The following SPAG16 variants were observed in gnomAD, a reference collection of about 807,000 sequenced individuals.
The protein encoded by SPAG16 is sperm associated antigen 16, also known as sperm-associated antigen 16 protein.
SPAG16 carries 86 observed loss-of-function variants against 80.4 expected under a neutral mutation model. The ratio of observed to expected loss-of-function variants is 1.07; its 90% CI spans 0.90 to 1.28. The LOEUF (loss-of-function observed/expected upper bound fraction) is 1.28, where lower values mean the gene tolerates loss of function less well. Among genes scored for constraint, SPAG16 ranks in the 50% most tolerant of loss-of-function variants. SPAG16 has a pLI of 0.00. For missense variants in SPAG16, 870 were observed against 765.3 expected (o/e 1.14, Z -1.61); for synonymous variants, 294 against 265.9 (o/e 1.11, Z -1.03).
chr2:213,677,878 C>T (rs1270670235), intron 10 of SPAG16, among the ~76,000 whole-genome samples: 1 of 152,090 alleles, frequency 6.6e-6, no homozygotes, highest in African/African-American at 2.4e-5. Context: ...GTAAAGCTCT[C>T]CTCAGCAAAT....
At chr2:213,874,999 G>C (rs2076089903) in intron 11 of SPAG16, among the ~76,000 whole-genome samples, 1 of 152,076 alleles carries the variant, frequency 6.6e-6, no homozygotes, top group Admixed American at 6.6e-5. Flanking sequence ...TTGGAGTGCA[G>C]TGGTGCATCA....
At chr2:213,717,555 CTTT>C (rs890199600) in intron 10 of SPAG16, among the ~76,000 whole-genome samples, 1 of 146,908 alleles carries the variant, frequency 6.8e-6, no homozygotes, top group African/African-American at 2.5e-5. Context: ...GACTTAAACT[CTTT>C]TTTTTTTTAA....
intron 15 of SPAG16, among the ~76,000 whole-genome samples, chr2:214,335,755 CTTTTTTT>C (rs71037369): frequency 3.3e-5 from 3 of 90,568 alleles, no homozygotes; most frequent in East Asian, 3.0e-4. Context: ...TATTAGGATT[CTTTTTTT>C]TTTTTTTTTT....
chr2:213,923,561 C>A (rs989915651), intron 11 of SPAG16, among the ~76,000 whole-genome samples: 9 of 152,266 alleles, frequency 5.9e-5, no homozygotes, highest in Admixed American at 3.3e-4. Flanking sequence ...GACCACTGAG[C>A]CAGAAACTCT....
intron 12 of SPAG16, among the ~76,000 whole-genome samples, chr2:213,975,193 A>G (rs936013824): frequency 6.6e-6 from 1 of 151,058 alleles, no homozygotes; most frequent in East Asian, 1.9e-4. Context: ...TATAGAATAT[A>G]TATCCCAAAC....
At chr2:213,836,177 C>CA (rs777943640) in intron 10 of SPAG16, among the ~76,000 whole-genome samples, 4 of 13,738 alleles carry the variant, frequency 2.9e-4, no homozygotes, top group South Asian at 0.011. Context: ...TCATTATTCG[C>CA]CCCCCCCCCC....
At chr2:214,149,546 C>A (rs895124906) in intron 15 of SPAG16, among the ~76,000 whole-genome samples, 1 of 151,982 alleles carries the variant, frequency 6.6e-6, no homozygotes, top group African/African-American at 2.4e-5. Context: ...AATATTCAAA[C>A]CTCCATTCCT....
chr2:213,779,808 A>G (rs1559462805), intron 10 of SPAG16, among the ~76,000 whole-genome samples: 1 of 152,208 alleles, frequency 6.6e-6, no homozygotes, highest in Admixed American at 6.5e-5. Context: ...GGAAGTCTGA[A>G]TACTTAAAAA....
intron 10 of SPAG16, among the ~76,000 whole-genome samples, chr2:213,774,002 CT>C (rs1340761405): frequency 6.6e-6 from 1 of 152,120 alleles, no homozygotes; most frequent in Non-Finnish European, 1.5e-5. Flanking sequence ...ATTCATTGCT[CT>C]TTTAGAATCC....
intron 15 of SPAG16, among the ~76,000 whole-genome samples, chr2:214,284,023 AT>A (rs1693159503): frequency 6.6e-6 from 1 of 152,198 alleles, no homozygotes. Flanking sequence ...TATCCTATTG[AT>A]TTGAGAGCTT....
At chr2:213,396,583 A>G (rs149008865) in intron 9 of SPAG16, 3 of 454,116 alleles carry the variant, frequency 6.6e-6, no homozygotes, top group African/African-American at 2.0e-5. Context: ...CCATGCCTCC[A>G]TCAGCAGCAG....
intron 10 of SPAG16, among the ~76,000 whole-genome samples, chr2:213,593,422 C>G (rs2060775700): frequency 6.6e-6 from 1 of 152,118 alleles, no homozygotes; most frequent in Non-Finnish European, 1.5e-5. Context: ...ATCTATGTCT[C>G]ATTTCTGCTT....
intron 14 of SPAG16, among the ~76,000 whole-genome samples, chr2:214,130,085 C>A (rs1015224597): frequency 3.9e-5 from 6 of 152,068 alleles, no homozygotes; most frequent in Admixed American, 3.9e-4. Context: ...AAATTCTCAC[C>A]CCAGTTCTCA....
intron 11 of SPAG16, among the ~76,000 whole-genome samples, chr2:213,906,140 C>A (rs1369392272): frequency 2.6e-5 from 4 of 151,902 alleles, no homozygotes; most frequent in Admixed American, 2.6e-4. Flanking sequence ...TATGTCCCAC[C>A]CCCACCTCCC....
chr2:213,958,215 A>G (rs80271690), intron 12 of SPAG16, among the ~76,000 whole-genome samples: 1 of 152,256 alleles, frequency 6.6e-6, no homozygotes, highest in Non-Finnish European at 1.5e-5. Flanking sequence ...ATGGGTTTAG[A>G]GCAAGCAGGC....
chr2:214,393,935 C>T (rs557462585), intron 15 of SPAG16, among the ~76,000 whole-genome samples: 1 of 152,268 alleles, frequency 6.6e-6, no homozygotes, highest in Admixed American at 6.5e-5. Flanking sequence ...AAATGTACCA[C>T]CACAACTATG....
At chr2:213,346,366 G>T (rs372914040) in intron 6 of SPAG16, among the ~76,000 whole-genome samples, 1 of 151,908 alleles carries the variant, frequency 6.6e-6, no homozygotes, top group Non-Finnish European at 1.5e-5. Context: ...AATTGAATAC[G>T]CTTTATTTCC....
At chr2:213,664,587 C>T (rs531078140) in intron 10 of SPAG16, among the ~76,000 whole-genome samples, 1 of 152,070 alleles carries the variant, frequency 6.6e-6, no homozygotes, top group East Asian at 1.9e-4. Flanking sequence ...TTTTTGTTAT[C>T]TTGAAAAACT....
intron 15 of SPAG16, among the ~76,000 whole-genome samples, chr2:214,340,042 A>G (rs556759864): frequency 6.6e-6 from 1 of 152,316 alleles, no homozygotes; most frequent in South Asian, 2.1e-4. Flanking sequence ...GAAGTTGCTA[A>G]GTTTGTGGTA....
Sources: allele counts gnomAD v4.1 joint callset (sites outside exome capture counted in the v4.1 genomes callset), GRCh38; gene constraint gnomAD v4.1.1; transcripts MANE v1.5; gene names NCBI Gene and HGNC (gene_info 2026-07-23, HGNC 2026-07-21).